The following FGF20 variants were observed in gnomAD, a reference collection of about 807,000 sequenced individuals.
The protein encoded by FGF20 is fibroblast growth factor 20.
In FGF20, 8 loss-of-function variants were observed where a neutral mutation model predicts 16.7. That is an observed-to-expected ratio of 0.48 (90% confidence interval 0.28 to 0.87). The LOEUF (loss-of-function observed/expected upper bound fraction) is 0.87. FGF20 is among the 40% of genes least tolerant of loss of function. The probability of loss-of-function intolerance (pLI) is 0.10; values close to 1 mark genes in which losing one functional copy is unlikely to be tolerated. For synonymous variants in FGF20, 161 were observed against 118.6 expected (o/e 1.36, Z -2.32); for missense variants, 397 against 281.4 (o/e 1.41, Z -2.94).
chr8:16,992,919 T>G lies in FGF20; in HGVS notation c.*153A>C, dbSNP rs1809948512. 33 of 1,029,806 alleles carry G rather than the reference T, an allele frequency of 3.2e-5. No individual in the cohort carries two copies. Among genetic ancestry groups the G allele is most frequent in the Non-Finnish European group, 4.3e-5 (31 of 725,126 alleles). The allele number at this position is 1,029,806 out of a possible 1,614,324, so 63.8% of individuals were successfully genotyped here. A position where few individuals can be genotyped will look rare whatever the true frequency, so the allele number is the denominator to read the frequency against. On this transcript the variant is annotated 3_prime_UTR_variant, in exon 3 of 3. Transcript: ENST00000180166. ...TATTTCTAGTCAAAATTTTTTTTGG[T>G]TTTTTTTCTCAATATTCTTTCCAAA...
At chr8:16,995,851 G>T (rs1334503217) in intron 1 of FGF20, 93 bp from the exon 2 acceptor site, 3 of 637,394 alleles carry the variant, frequency 4.7e-6, no homozygotes, top group Non-Finnish European at 8.2e-6. Context: ...AGCGGTAGTC[G>T]GCCATTATTG....
chr8:17,001,732 G>A lies in FGF20; in HGVS notation c.286+15C>T. On this transcript the variant is annotated intron_variant, in intron 1 of 2. Transcript: ENST00000180166. ...GGGGCGCAGATGGGGGTGGGGTCGG[G>A]ATGCTAGTACGTACCGAAGAGGCTG... 6.4e-7 allele frequency: 1 copy of A among 1,570,248 alleles called. No homozygotes were observed.
At chr8:16,995,804 G>T in intron 1 of FGF20, 46 bp from the exon 2 acceptor site, 1 of 1,143,478 alleles carries the variant, frequency 8.7e-7, no homozygotes, top group Non-Finnish European at 1.3e-6. Flanking sequence ...TTGTATTTAT[G>T]CATGAGCATA....
At chr8:16,996,695 G>C (rs1810056674) in intron 1 of FGF20, among the ~76,000 whole-genome samples, 1 of 152,142 alleles carries the variant, frequency 6.6e-6, no homozygotes, top group African/African-American at 2.4e-5. Flanking sequence ...AAGGGCATTT[G>C]TTTGTATTTT....
intron 2 of FGF20, among the ~76,000 whole-genome samples, chr8:16,993,593 A>T (rs545073053): frequency 6.6e-6 from 1 of 152,138 alleles, no homozygotes; most frequent in Admixed American, 6.5e-5. Context: ...GGATGGGGAC[A>T]CGGGATGGTT....
chr8:17,001,733 A>G lies in FGF20; in HGVS notation c.286+14T>C. 6.4e-7 allele frequency: 1 copy of G among 1,570,902 alleles called. No homozygotes were observed. The highest frequency in any genetic ancestry group is 8.6e-7 in the Non-Finnish European group (1 of 1,161,964). On this transcript the variant is annotated intron_variant, in intron 1 of 2. Coordinates refer to ENST00000180166, the MANE Select transcript of FGF20 (RefSeq NM_019851.3). ...GGGCGCAGATGGGGGTGGGGTCGGG[A>G]TGCTAGTACGTACCGAAGAGGCTGT...
chr8:16,997,803 G>A (rs1016112137), intron 1 of FGF20, among the ~76,000 whole-genome samples: 20 of 151,852 alleles, frequency 1.3e-4, no homozygotes, highest in African/African-American at 4.1e-4. Flanking sequence ...GAGTCCTGCC[G>A]GAAACAAAAA....
At chr8:16,999,603 A>G (rs1361080259) in intron 1 of FGF20, among the ~76,000 whole-genome samples, 3 of 148,664 alleles carry the variant, frequency 2.0e-5, no homozygotes, top group Non-Finnish European at 3.0e-5. Context: ...GCTCACTGCA[A>G]CCTGCGCCTC....
In FGF20 at chr8:17,001,851, T is replaced by C; in HGVS notation, c.182A>G (p.His61Arg). 6.7e-7 allele frequency: 1 copy of C among 1,500,768 alleles called. No individual in the cohort carries two copies. The highest frequency in any genetic ancestry group is 8.9e-7 in the Non-Finnish European group (1 of 1,127,514). The allele number at this position is 1,500,768 out of a possible 1,614,324, so 93.0% of individuals were successfully genotyped here. The part of the protein sequence containing the change: ...GPGAAQLAHL[H>R]GILRRRQLYC... ...GAGCTGCCGGCGGCGCAGGATGCCG[T>C]GCAGGTGCGCCAGCTGCGCAGCCCC... Residue 61 changes from histidine (H) to arginine (R), a missense_variant, in exon 1 of 3, where the codon CAC (histidine) becomes CGC (arginine). Coordinates refer to ENST00000180166, the MANE Select transcript of FGF20 (RefSeq NM_019851.3).
chr8:16,994,082 C>T (rs1353530011), intron 2 of FGF20, among the ~76,000 whole-genome samples: 1 of 152,076 alleles, frequency 6.6e-6, no homozygotes, highest in Non-Finnish European at 1.5e-5. Flanking sequence ...ATGTCAGTTC[C>T]CAATTTTATT....
chr8:16,997,643 T>A lies in FGF20; in HGVS notation c.287-1885A>T, dbSNP rs542596264. 7.2e-5 allele frequency among the ~76,000 whole-genome samples: 11 copies of A among 152,296 alleles called. No homozygotes were observed. In the East Asian group the frequency reaches 2.1e-3, roughly 29 times the overall value. ...AATACACTGCTAAATAGTCTATAAG[T>A]GGCTTGAAAGAGCCAGGATCCCTCA... On this transcript the variant is annotated intron_variant, in intron 1 of 2. Coordinates refer to ENST00000180166, the MANE Select transcript of FGF20 (RefSeq NM_019851.3).
In FGF20 at chr8:16,992,424, G is replaced by A. The variant is rs968892541; in HGVS notation, c.*648C>T. On this transcript the variant is annotated 3_prime_UTR_variant, in exon 3 of 3. Coordinates refer to ENST00000180166, the MANE Select transcript of FGF20 (RefSeq NM_019851.3). ...GTAATGGCACAATAACGGAAGTTTTGTTGTTTTTTACTCTTTGTATTATCT... is the reference window on the plus strand; with the variant it reads ...GTAATGGCACAATAACGGAAGTTTTATTGTTTTTTACTCTTTGTATTATCT... The A allele has an allele frequency of 2.6e-5, 4 of 151,766 alleles. No individual in the cohort carries two copies. The highest frequency in any genetic ancestry group is 5.9e-5 in the Non-Finnish European group (4 of 67,912). The allele number at this position is 151,766 out of a possible 1,614,324, so 9.4% of individuals were successfully genotyped here.
intron 1 of FGF20, among the ~76,000 whole-genome samples, chr8:17,000,671 G>A (rs1007607815): frequency 2.0e-5 from 3 of 152,046 alleles, no homozygotes; most frequent in African/African-American, 7.2e-5. Context: ...GAAAGATCCT[G>A]GGATATTAGA....
intron 2 of FGF20, among the ~76,000 whole-genome samples, chr8:16,994,044 A>G (rs1469314526): frequency 6.6e-6 from 1 of 152,080 alleles, no homozygotes; most frequent in Non-Finnish European, 1.5e-5. Flanking sequence ...GGGGTTGGGG[A>G]CCCCTGCTTT....
intron 1 of FGF20, among the ~76,000 whole-genome samples, chr8:17,001,002 A>C (rs1334401164): frequency 6.6e-6 from 1 of 152,154 alleles, no homozygotes; most frequent in Admixed American, 6.5e-5. Flanking sequence ...TGGCTGAAGA[A>C]CTAGGCATGC....
In FGF20 at chr8:17,001,877, C is replaced by G. The variant is rs1409476483; in HGVS notation, c.156G>C (p.Pro52=). The change falls in exon 1 of 3, where the codon CCG becomes CCC. Residue 52 remains proline, a synonymous_variant. Transcript: ENST00000180166. ...SAAERSARGG[P]GAAQLAHLHG... ...GCAGGTGCGCCAGCTGCGCAGCCCCCGGCCCGCCGCGCGCGCTCCGCTCCG... is the reference window on the plus strand; with the variant it reads ...GCAGGTGCGCCAGCTGCGCAGCCCCGGGCCCGCCGCGCGCGCTCCGCTCCG... 6 of 1,432,820 alleles carry G rather than the reference C, an allele frequency of 4.2e-6. No homozygotes were observed. The highest frequency in any genetic ancestry group is 5.5e-6 in the Non-Finnish European group (6 of 1,098,470). 88.8% of individuals were successfully genotyped at this position (1,432,820 alleles called of 1,614,324 possible).
Position 16,992,187 on chromosome 8 carries a change from A to G in FGF20, c.*885T>C, listed in dbSNP as rs1344361614. On this transcript the variant is annotated 3_prime_UTR_variant, in exon 3 of 3. Transcript: ENST00000180166. ...CAATGAAGCCAAAACACTGCATGAA[A>G]ATGTTTAATTCCCTTTTGAATGTGT... 6.6e-6 allele frequency: 1 copy of G among 152,216 alleles called. No individual in the cohort carries two copies. Among genetic ancestry groups the G allele is most frequent in the African/African-American group, 2.4e-5 (1 of 41,468 alleles). 9.4% of individuals were successfully genotyped at this position (152,216 alleles called of 1,614,324 possible).
chr8:16,993,544 A>G (rs1307646195), intron 2 of FGF20, among the ~76,000 whole-genome samples: 1 of 129,718 alleles, frequency 7.7e-6, no homozygotes, highest in Non-Finnish European at 1.6e-5. Context: ...CTTTGGCACC[A>G]CTGACCAGTT....
intron 1 of FGF20, among the ~76,000 whole-genome samples, chr8:16,999,300 A>G (rs1292006967): frequency 6.6e-6 from 1 of 152,190 alleles, no homozygotes; most frequent in Non-Finnish European, 1.5e-5. Flanking sequence ...AATAATTAAC[A>G]CAAATTTCGC....
Sources: gnomAD v4.1 joint callset for allele counts (sites outside exome capture counted in the v4.1 genomes callset) on GRCh38, gnomAD v4.1.1 for gene constraint, MANE v1.5 for transcripts, NCBI Gene and HGNC (gene_info 2026-07-23, HGNC 2026-07-21) for gene names.